The following DCDC2 variants were observed in gnomAD, a reference collection of about 807,000 sequenced individuals.
DCDC2 encodes the protein doublecortin domain-containing protein 2.
A neutral mutation model predicts 50.2 loss-of-function variants in DCDC2; 40 were observed. The ratio of observed to expected loss-of-function variants is 0.80; its 90% CI spans 0.62 to 1.04. The LOEUF (loss-of-function observed/expected upper bound fraction) is 1.04, where lower values mean the gene tolerates loss of function less well. DCDC2 is among the 50% of genes least tolerant of loss of function. The pLI is 0.00. For synonymous variants in DCDC2, 234 were observed against 210.6 expected, an observed-to-expected ratio of 1.11 and a Z score of -0.96; for missense variants, 570 against 581.9, an observed-to-expected ratio of 0.98 and a Z score of 0.21.
chr6:24,344,299 G>GA (rs1760214411), intron 2 of DCDC2, among the ~76,000 whole-genome samples: 1 of 152,072 alleles, frequency 6.6e-6, no homozygotes, highest in Admixed American at 6.5e-5. Context: ...GTCAGGCAGA[G>GA]AAAAAACAAG....
chr6:24,232,577 G>C (rs1762358234), intron 7 of DCDC2, among the ~76,000 whole-genome samples: 1 of 152,106 alleles, frequency 6.6e-6, no homozygotes, highest in Admixed American at 6.5e-5. Context: ...CAGAATTGTT[G>C]AACAATTTGC....
chr6:24,328,748 C>A (rs888471362), intron 2 of DCDC2, among the ~76,000 whole-genome samples: 1 of 152,190 alleles, frequency 6.6e-6, no homozygotes, highest in African/African-American at 2.4e-5. Context: ...TAATTGCATG[C>A]CCCTTGAAAT....
intron 7 of DCDC2, among the ~76,000 whole-genome samples, chr6:24,251,169 G>A (rs1293185074): frequency 6.6e-6 from 1 of 152,144 alleles, no homozygotes; most frequent in Non-Finnish European, 1.5e-5. Flanking sequence ...TGGCTAATTG[G>A]AGTTTAGAAT....
intron 7 of DCDC2, among the ~76,000 whole-genome samples, chr6:24,228,036 T>G (rs557179675): frequency 6.6e-6 from 1 of 152,352 alleles, no homozygotes; most frequent in East Asian, 1.9e-4. Context: ...TTGTTTTAAT[T>G]CATAGGTGGA....
chr6:24,350,186 A>G (rs1760341495), intron 2 of DCDC2, among the ~76,000 whole-genome samples: 1 of 152,210 alleles, frequency 6.6e-6, no homozygotes, highest in African/African-American at 2.4e-5. Context: ...GACACAAACC[A>G]CAAAAGCATT....
chr6:24,198,914 C>T (rs992133726), intron 8 of DCDC2, among the ~76,000 whole-genome samples: 4 of 152,188 alleles, frequency 2.6e-5, no homozygotes, highest in Non-Finnish European at 5.9e-5. Flanking sequence ...TGGGTGGAGC[C>T]CACTGTAGCT....
At chr6:24,184,310 C>A (rs988623583) in intron 8 of DCDC2, among the ~76,000 whole-genome samples, 1 of 152,156 alleles carries the variant, frequency 6.6e-6, no homozygotes, top group Non-Finnish European at 1.5e-5. Flanking sequence ...TGGTGGCTCA[C>A]GCTTGTAATC....
intron 2 of DCDC2, among the ~76,000 whole-genome samples, chr6:24,303,716 T>C (rs900077204): frequency 5.9e-5 from 9 of 152,216 alleles, no homozygotes; most frequent in Non-Finnish European, 1.3e-4. Flanking sequence ...AAGTAATTTA[T>C]ATGCATTATA....
intron 7 of DCDC2, among the ~76,000 whole-genome samples, chr6:24,215,484 G>C (rs372404572): frequency 1.5e-3 from 233 of 152,226 alleles, no homozygotes; most frequent in African/African-American, 5.3e-3. Flanking sequence ...TTCATGACAG[G>C]CTGTGTGGAG....
the DCDC2 span, among the ~76,000 whole-genome samples, chr6:24,378,935 A>AAGG: frequency 6.7e-6 from 1 of 148,312 alleles, no homozygotes; most frequent in Admixed American, 6.7e-5. Context: ...CTGGGCAACA[A>AAGG]AGGAGACCCT....
At chr6:24,213,261 A>T (rs1486028615) in intron 7 of DCDC2, among the ~76,000 whole-genome samples, 6 of 152,160 alleles carry the variant, frequency 3.9e-5, no homozygotes, top group South Asian at 2.1e-4. Context: ...ACTTTATAAA[A>T]ATCTTAGTTA....
intron 7 of DCDC2, among the ~76,000 whole-genome samples, chr6:24,271,207 CAAAA>C (rs543819229): frequency 1.5e-4 from 6 of 39,406 alleles, no homozygotes; most frequent in East Asian, 1.1e-3. Context: ...GACACTCCCT[CAAAA>C]AAAAAAAAAA....
chr6:24,185,210 A>T (rs1263325534), intron 8 of DCDC2, among the ~76,000 whole-genome samples: 1 of 152,188 alleles, frequency 6.6e-6, no homozygotes, highest in Non-Finnish European at 1.5e-5. Context: ...TTTCTAGGAA[A>T]GAAGACAACT....
At chr6:24,376,047 C>CA in the DCDC2 span, among the ~76,000 whole-genome samples, 1 of 151,714 alleles carries the variant, frequency 6.6e-6, no homozygotes, top group Non-Finnish European at 1.5e-5. Flanking sequence ...AAACAAAAAA[C>CA]AAAAAAACCA....
chr6:24,267,718 G>A (rs755367169), intron 7 of DCDC2, among the ~76,000 whole-genome samples: 1 of 152,142 alleles, frequency 6.6e-6, no homozygotes, highest in Non-Finnish European at 1.5e-5. Flanking sequence ...GATAACATCT[G>A]TGCCACAAGC....
intron 7 of DCDC2, among the ~76,000 whole-genome samples, chr6:24,211,806 A>G (rs1761876899): frequency 6.6e-6 from 1 of 152,188 alleles, no homozygotes; most frequent in Admixed American, 6.5e-5. Context: ...CCCATTTTGG[A>G]ATTCTGACCT....
At chr6:24,324,252 G>A (rs1437129663) in intron 2 of DCDC2, among the ~76,000 whole-genome samples, 1 of 152,126 alleles carries the variant, frequency 6.6e-6, no homozygotes, top group Non-Finnish European at 1.5e-5. Context: ...AAAAGTAACA[G>A]TTTAAAACTG....
At chr6:24,233,109 TTCA>T (rs1293897989) in intron 7 of DCDC2, among the ~76,000 whole-genome samples, 1 of 152,220 alleles carries the variant, frequency 6.6e-6, no homozygotes, top group Non-Finnish European at 1.5e-5. Flanking sequence ...GCGATCAGAC[TTCA>T]TCACAAAGTT....
At chr6:24,363,774 T>A in the DCDC2 span, among the ~76,000 whole-genome samples, 4 of 152,100 alleles carry the variant, frequency 2.6e-5, no homozygotes, top group Non-Finnish European at 4.4e-5. Context: ...GGCATCATCA[T>A]CCCCTAAGAG....
Sources: gnomAD v4.1 joint callset for allele counts (sites outside exome capture counted in the v4.1 genomes callset) on GRCh38, gnomAD v4.1.1 for gene constraint, MANE v1.5 for transcripts, NCBI Gene and HGNC (gene_info 2026-07-23, HGNC 2026-07-21) for gene names.